CLEC4A: variants seen among roughly 807,000 people sequenced by gnomAD.
CLEC4A encodes C-type lectin domain family 4 member A.
Under a neutral mutation model 32.7 loss-of-function variants are expected in CLEC4A, and 27 were observed. The ratio of observed to expected loss-of-function variants is 0.83; its 90% CI spans 0.61 to 1.14. The LOEUF (loss-of-function observed/expected upper bound fraction) is 1.14. Ranked by LOEUF, CLEC4A falls within the 50% of genes most tolerant of loss-of-function variation. The pLI, the probability that CLEC4A is intolerant of heterozygous loss-of-function variation, is 0.00. For missense variants in CLEC4A, 253 were observed against 274.6 expected, an observed-to-expected ratio of 0.92 and a Z score of 0.55; for synonymous variants, 89 against 93.7, an observed-to-expected ratio of 0.95 and a Z score of 0.29.
chr12:8,116,056 G>A, the CLEC4A span, among the ~76,000 whole-genome samples: 4 of 151,996 alleles, frequency 2.6e-5, no homozygotes, highest in African/African-American at 7.3e-5. Flanking sequence ...TGCCTCCCAG[G>A]CTCAAGCGAT....
the CLEC4A span, among the ~76,000 whole-genome samples, chr12:8,104,976 T>C: frequency 4.6e-5 from 7 of 152,340 alleles, no homozygotes; most frequent in South Asian, 6.2e-4. Context: ...CAGTCTACCA[T>C]TGATGGGCAT....
chr12:8,122,181 G>A (rs2120557824), upstream of CLEC4A, among the ~76,000 whole-genome samples: 1 of 152,078 alleles, frequency 6.6e-6, no homozygotes, highest in South Asian at 2.1e-4. Flanking sequence ...CTATGCAGAG[G>A]GAGGACTTGG....
At chr12:8,134,832 G>A (rs1221200623) in intron 3 of CLEC4A, 1 of 1,545,832 alleles carries the variant, frequency 6.5e-7, no homozygotes, top group Non-Finnish European at 8.7e-7. Flanking sequence ...GGCGAAATCC[G>A]AAGCCAGGTG....
chr12:8,103,013 G>A, the CLEC4A span, among the ~76,000 whole-genome samples: 1 of 151,466 alleles, frequency 6.6e-6, no homozygotes, highest in African/African-American at 2.4e-5. Context: ...TTTTGTTTGG[G>A]AAAAAAAATG....
the CLEC4A span, among the ~76,000 whole-genome samples, chr12:8,103,626 C>A: frequency 1.3e-5 from 2 of 152,094 alleles, no homozygotes; most frequent in Non-Finnish European, 2.9e-5. Context: ...ACCTCATGAT[C>A]CCTCTGCCTT....
chr12:8,131,844 T>C (rs1233877778), intron 3 of CLEC4A, among the ~76,000 whole-genome samples: 1 of 148,458 alleles, frequency 6.7e-6, no homozygotes, highest in Non-Finnish European at 1.5e-5. Context: ...ATATATCTCT[T>C]CAACTTTTAA....
rs139327535 is a variant in CLEC4A at position 8,125,652 on chromosome 12, A to C, written c.174A>C (p.Ala58=). The change falls in exon 2 of 6, where the codon GCA becomes GCC. Residue 58 remains alanine, a synonymous_variant. Coordinates refer to ENST00000229332, the MANE Select transcript of CLEC4A (RefSeq NM_016184.4). ...ASLLIFFLLL[A]ISFFIAFVIF... ...TGTTGATATTTTTCCTGCTATTGGC[A>C]ATCTCATTCTTTATTGCTTTTGTCA... The C allele has an allele frequency of 2.9e-5, 46 of 1,609,486 alleles. No homozygotes were observed. In the African/African-American group the frequency reaches 5.2e-4, roughly 18 times the overall value.
At chr12:8,135,822 G>A in intron 4 of CLEC4A, 86 bp downstream of exon 4, 2 of 1,423,886 alleles carry the variant, frequency 1.4e-6, no homozygotes, top group African/African-American at 2.8e-5. Context: ...TTGTTACTTT[G>A]GGATATTTGC....
At chr12:8,114,644 C>G in the CLEC4A span, among the ~76,000 whole-genome samples, 1 of 152,166 alleles carries the variant, frequency 6.6e-6, no homozygotes, top group Non-Finnish European at 1.5e-5. Context: ...GGTATTACTG[C>G]TGAACTCTTT....
chr12:8,122,759 A>G (rs952002523), upstream of CLEC4A, among the ~76,000 whole-genome samples: 4 of 152,054 alleles, frequency 2.6e-5, no homozygotes, highest in South Asian at 4.2e-4. Context: ...ATTAGTGTGA[A>G]CTCATGGTGT....
At chr12:8,113,376 A>G in the CLEC4A span, among the ~76,000 whole-genome samples, 2 of 151,994 alleles carry the variant, frequency 1.3e-5, no homozygotes, top group Admixed American at 6.6e-5. Flanking sequence ...TTGTTGGTCC[A>G]TTGTCCATAT....
chr12:8,129,798 C>G (rs189470735), intron 3 of CLEC4A, among the ~76,000 whole-genome samples: 1 of 152,232 alleles, frequency 6.6e-6, no homozygotes, highest in East Asian at 1.9e-4. Context: ...CAAAAAAACC[C>G]AAAAGACAAA....
At chr12:8,136,524 A>G (rs1391790069) in intron 4 of CLEC4A, among the ~76,000 whole-genome samples, 1 of 148,232 alleles carries the variant, frequency 6.7e-6, no homozygotes, top group Admixed American at 6.9e-5. Context: ...AGATTGCACC[A>G]CTGCACTCCA....
chr12:8,112,100 C>T, the CLEC4A span, among the ~76,000 whole-genome samples: 1 of 152,076 alleles, frequency 6.6e-6, no homozygotes, highest in Non-Finnish European at 1.5e-5. Flanking sequence ...TCCTGAGTAG[C>T]TGGGATTACA....
chr12:8,122,264 C>T (rs1947838926), upstream of CLEC4A, among the ~76,000 whole-genome samples: 1 of 150,062 alleles, frequency 6.7e-6, no homozygotes, highest in Non-Finnish European at 1.5e-5. Context: ...GAAATCAGAC[C>T]CCTCCAGGGT....
At position 8,136,908 on chromosome 12, in the gene CLEC4A, G is replaced by A. The variant is rs939124811; in HGVS notation, c.566+5G>A. The A allele has an allele frequency of 1.9e-6, 3 of 1,583,630 alleles. No individual in the cohort carries two copies. The highest frequency in any genetic ancestry group is 2.6e-6 in the Non-Finnish European group (3 of 1,152,890). On this transcript the variant is annotated splice_donor_5th_base_variant and intron_variant, in intron 5 of 5. Transcript: ENST00000229332. ...ACCATACAATGAAAGTTCCACGTGA[G>A]TATAGAATGAGATAAAAGAATCTTG...
intron 2 of CLEC4A, among the ~76,000 whole-genome samples, chr12:8,128,162 A>G (rs1254854676): frequency 6.6e-6 from 1 of 152,186 alleles, no homozygotes; most frequent in Admixed American, 6.5e-5. Context: ...AGCTCATCAA[A>G]GAGTGTAAGA....
At chr12:8,124,352 T>G (rs970239448) in intron 1 of CLEC4A, among the ~76,000 whole-genome samples, 3 of 152,244 alleles carry the variant, frequency 2.0e-5, no homozygotes, top group Middle Eastern at 6.8e-3. Context: ...TTTGTGAGAT[T>G]TGTTTTTTGA....
intron 3 of CLEC4A, among the ~76,000 whole-genome samples, chr12:8,132,288 G>T (rs1380144284): frequency 3.9e-5 from 6 of 152,140 alleles, no homozygotes; most frequent in Non-Finnish European, 8.8e-5. Context: ...TCTTTGAGGA[G>T]CCCTAGTTCC....
Sources: gnomAD v4.1 joint callset for allele counts (sites outside exome capture counted in the v4.1 genomes callset) on GRCh38, gnomAD v4.1.1 for gene constraint, MANE v1.5 for transcripts, NCBI Gene and HGNC (gene_info 2026-07-23, HGNC 2026-07-21) for gene names.